Variants in CNTLN observed in about 807,000 individuals in gnomAD.
The protein encoded by CNTLN is centlein, centrosomal protein.
In CNTLN, 212 loss-of-function variants were observed where a neutral mutation model predicts 180.0. That is an observed-to-expected ratio of 1.18 (90% CI 1.05 to 1.32). The LOEUF (loss-of-function observed/expected upper bound fraction) is 1.32, where lower values mean the gene tolerates loss of function less well. CNTLN is among the 40% of genes most tolerant of loss of function. CNTLN has a pLI of 0.00. For synonymous variants in CNTLN, 722 were observed against 563.1 expected (o/e 1.28, Z -3.99); for missense variants, 2,095 against 1,610.9 (o/e 1.30, Z -5.14).
At chr9:17,433,203 T>C (rs2133992675) in intron 18 of CNTLN, among the ~76,000 whole-genome samples, 1 of 152,098 alleles carries the variant, frequency 6.6e-6, no homozygotes, top group Admixed American at 6.6e-5. Context: ...TAACTGTCTT[T>C]AAAGTTAAGC....
intron 13 of CNTLN, among the ~76,000 whole-genome samples, chr9:17,374,504 T>C (rs1824591988): frequency 6.6e-6 from 1 of 152,178 alleles, no homozygotes; most frequent in African/African-American, 2.4e-5. Context: ...AACTCTCATA[T>C]ATTCTTGGAA....
At chr9:17,467,473 G>A (rs2593400) in intron 23 of CNTLN, among the ~76,000 whole-genome samples, 6,577 of 151,650 alleles carry the variant, frequency 0.043, 185 homozygotes, top group Middle Eastern at 0.11. Flanking sequence ...ACTCCACGAA[G>A]AGGAAATTCC....
In CNTLN at chr9:17,480,893, A is replaced by G. The variant is rs974685494; in HGVS notation, c.3856-3402A>G. 2.6e-5 allele frequency among the ~76,000 whole-genome samples: 4 copies of G among 152,312 alleles called. No homozygotes were observed. The South Asian group carries it at 6.2e-4, about 24-fold the overall frequency. ...GATATTAGAAAAATAATACAAATGA[A>G]GTGTAATCAAGGAGAAGTACATAGG... is the stretch of plus-strand genomic sequence containing the variant. On this transcript the variant is annotated intron_variant, in intron 23 of 25. Coordinates refer to ENST00000380647, the MANE Select transcript of CNTLN (RefSeq NM_017738.4).
At chr9:17,498,176 T>C (rs1833557354) in intron 25 of CNTLN, among the ~76,000 whole-genome samples, 1 of 152,202 alleles carries the variant, frequency 6.6e-6, no homozygotes, top group Admixed American at 6.5e-5. Flanking sequence ...TTCCATTTTT[T>C]CTTTCAATGC....
At chr9:17,259,631 T>A (rs1235990621) in intron 5 of CNTLN, among the ~76,000 whole-genome samples, 3 of 151,040 alleles carry the variant, frequency 2.0e-5, no homozygotes, top group Non-Finnish European at 4.4e-5. Context: ...GGTAAGCTGT[T>A]GATTATTGCC....
intron 16 of CNTLN, among the ~76,000 whole-genome samples, chr9:17,410,647 T>G (rs1320015920): frequency 6.6e-6 from 1 of 152,170 alleles, no homozygotes; most frequent in Admixed American, 6.5e-5. Flanking sequence ...CCTTCCATGT[T>G]GTCTTTTCCT....
At chr9:17,248,492 T>G (rs977581752) in intron 5 of CNTLN, among the ~76,000 whole-genome samples, 2 of 149,520 alleles carry the variant, frequency 1.3e-5, no homozygotes, top group African/African-American at 4.9e-5. Flanking sequence ...TTATCTAAAT[T>G]ATTTAATTTG....
At chr9:17,373,897 A>T (rs1824536403) in intron 13 of CNTLN, among the ~76,000 whole-genome samples, 1 of 152,200 alleles carries the variant, frequency 6.6e-6, no homozygotes, top group Non-Finnish European at 1.5e-5. Flanking sequence ...TACTGCTGGG[A>T]AAACAAGATA....
Position 17,409,273 on chromosome 9 carries a change from C to A in CNTLN, c.2616-20C>A. ...CAACTTTTATTCTTGGATTTTATGT[C>A]CCTACTTTTTTCTAAAAAGCAGTGA... On this transcript the variant is annotated intron_variant, in intron 15 of 25. Coordinates refer to ENST00000380647, the MANE Select transcript of CNTLN (RefSeq NM_017738.4). 1 of 1,600,492 alleles carries A rather than the reference C, an allele frequency of 6.2e-7. No homozygotes were observed. The highest frequency in any genetic ancestry group is 8.5e-7 in the Non-Finnish European group (1 of 1,175,878).
At chr9:17,182,575 A>G (rs1821188113) in intron 2 of CNTLN, among the ~76,000 whole-genome samples, 1 of 152,158 alleles carries the variant, frequency 6.6e-6, no homozygotes, top group African/African-American at 2.4e-5. Context: ...TTATTTTGTC[A>G]TTGTATTTGG....
intron 5 of CNTLN, among the ~76,000 whole-genome samples, chr9:17,256,034 A>G (rs957988058): frequency 1.1e-4 from 17 of 151,930 alleles, no homozygotes; most frequent in African/African-American, 4.1e-4. Context: ...CCATTTCTGC[A>G]TCACTTTGCT....
chr9:17,213,695 C>T (rs113874764), intron 2 of CNTLN, among the ~76,000 whole-genome samples: 3,959 of 152,172 alleles, frequency 0.026, 177 homozygotes, highest in African/African-American at 0.089. Context: ...GAGTCTAAGT[C>T]TCTTTGTAGG....
chr9:17,273,465 A>T (rs1220048736), intron 5 of CNTLN, among the ~76,000 whole-genome samples: 1 of 152,180 alleles, frequency 6.6e-6, no homozygotes, highest in Non-Finnish European at 1.5e-5. Flanking sequence ...CAATAATTTA[A>T]TAACTACATT....
chr9:17,296,658 T>C (rs1355000600), intron 6 of CNTLN, among the ~76,000 whole-genome samples: 1 of 152,146 alleles, frequency 6.6e-6, no homozygotes, highest in African/African-American at 2.4e-5. Context: ...ACTGTGGGTC[T>C]TTTTTCCCCT....
intron 5 of CNTLN, among the ~76,000 whole-genome samples, chr9:17,271,874 C>T (rs1036985878): frequency 2.0e-5 from 3 of 152,138 alleles, no homozygotes; most frequent in Non-Finnish European, 4.4e-5. Flanking sequence ...CTACTCTTCA[C>T]GTAAAATAGT....
At chr9:17,137,579 A>G (rs1817807296) in intron 1 of CNTLN, among the ~76,000 whole-genome samples, 3 of 152,172 alleles carry the variant, frequency 2.0e-5, no homozygotes, top group African/African-American at 7.2e-5. Flanking sequence ...GTGGGCTGAT[A>G]TTTTTTCAGT....
intron 2 of CNTLN, among the ~76,000 whole-genome samples, chr9:17,194,865 C>T (rs187259046): frequency 3.9e-5 from 6 of 152,238 alleles, no homozygotes; most frequent in African/African-American, 9.6e-5. Flanking sequence ...GCCTCAGAAT[C>T]GTGACAGGAG....
chr9:17,463,160 A>G (rs1831548735), intron 20 of CNTLN, 147 bp downstream of exon 20: 1 of 507,658 alleles, frequency 2.0e-6, no homozygotes, highest in African/African-American at 2.0e-5. Context: ...TTTAAGGAAT[A>G]CTATGTATAG....
the CNTLN span, among the ~76,000 whole-genome samples, chr9:17,526,997 C>A: frequency 6.6e-6 from 1 of 152,148 alleles, no homozygotes; most frequent in Non-Finnish European, 1.5e-5. Context: ...CCTGCCTCAG[C>A]TTCCCAAGTA....
Sources: gnomAD v4.1 joint callset for allele counts (sites outside exome capture counted in the v4.1 genomes callset) on GRCh38, gnomAD v4.1.1 for gene constraint, MANE v1.5 for transcripts, NCBI Gene and HGNC (gene_info 2026-07-23, HGNC 2026-07-21) for gene names.